The following KMO variants were observed in gnomAD, a reference collection of about 807,000 sequenced individuals.
KMO encodes kynurenine 3-monooxygenase, also known as kynurenine 3-hydroxylase.
KMO carries 24 observed loss-of-function variants against 57.8 expected under a neutral mutation model. The ratio of observed to expected loss-of-function variants is 0.42; its 90% CI spans 0.30 to 0.58. KMO has a LOEUF of 0.58. Ranked by LOEUF, KMO falls within the 20% of genes least tolerant of loss-of-function variation. KMO has a pLI of 0.22. For synonymous variants in KMO, 210 were observed against 193.6 expected (o/e 1.08, Z -0.70); for missense variants, 483 against 588.2 (o/e 0.82, Z 1.85).
At chr1:241,579,532 A>C (rs1164384060) in intron 10 of KMO, among the ~76,000 whole-genome samples, 2 of 152,086 alleles carry the variant, frequency 1.3e-5, no homozygotes, top group Non-Finnish European at 2.9e-5. Context: ...AGGGAGTAGC[A>C]GGCGGCAGTA....
At chr1:241,579,289 T>C (rs544235151) in intron 10 of KMO, among the ~76,000 whole-genome samples, 6 of 151,996 alleles carry the variant, frequency 3.9e-5, no homozygotes, top group Admixed American at 1.3e-4. Context: ...CTAGGGGAGG[T>C]ACTCTGGTTT....
In KMO at chr1:241,565,045, C is replaced by T. The variant is rs1558422254; in HGVS notation, c.674C>T (p.Ala225Val). ...IWPRNTFMMI[A>V]LPNMNKSFTC... Reference sequence around the variant, plus strand: ...CCTAGAAATACCTTTATGATGATTGCACTTCCTAACATGGTAGTATAGAAT... The same window carrying T: ...CCTAGAAATACCTTTATGATGATTGTACTTCCTAACATGGTAGTATAGAAT... Residue 225 changes from alanine (A) to valine (V), a missense_variant, in exon 8 of 15, where the codon GCA (alanine) becomes GTA (valine). Ala to Val is a moderately conservative substitution (Grantham distance 64). Transcript: ENST00000366559. The T allele has an allele frequency of 1.3e-6, 2 of 1,589,738 alleles. No individual in the cohort carries two copies.
chr1:241,560,563 C>A (rs1054894984), intron 5 of KMO, 102 bp from the exon 6 acceptor site: 2 of 786,750 alleles, frequency 2.5e-6, no homozygotes, highest in Non-Finnish European at 4.3e-6. Flanking sequence ...GAATAAAATT[C>A]TCTACCATAC....
At chr1:241,536,783 TGAG>T (rs1271985858) in intron 1 of KMO, among the ~76,000 whole-genome samples, 1 of 152,074 alleles carries the variant, frequency 6.6e-6, no homozygotes, top group African/African-American at 2.4e-5. Context: ...ATTTAGAGGG[TGAG>T]GAGATTTGTA....
intron 12 of KMO, 57 bp from the exon 13 acceptor site, chr1:241,589,955 C>T (rs1663179956): frequency 1.6e-6 from 2 of 1,253,284 alleles, no homozygotes; most frequent in Admixed American, 3.4e-5. Flanking sequence ...TACTAAGTCG[C>T]AGTGAGAAAT....
At chr1:241,571,773 G>T (rs1171212916) in intron 10 of KMO, among the ~76,000 whole-genome samples, 1 of 151,024 alleles carries the variant, frequency 6.6e-6, no homozygotes, top group East Asian at 1.9e-4. Flanking sequence ...GTCTAGTTTT[G>T]GTATTATGGT....
At chr1:241,558,743 C>G (rs950520329) in intron 5 of KMO, among the ~76,000 whole-genome samples, 2 of 148,416 alleles carry the variant, frequency 1.3e-5, no homozygotes, top group Non-Finnish European at 3.0e-5. Context: ...ATACCAGGCA[C>G]GTGTATACTT....
rs1019600924 is a variant in KMO at position 241,561,315 on chromosome 1, T to C, written c.449+563T>C. On this transcript the variant is annotated intron_variant, in intron 6 of 14. Coordinates refer to ENST00000366559, the MANE Select transcript of KMO (RefSeq NM_003679.5). ...GAACATCTTGCCATTATCTCAAACA[T>C]ATCTAAAACCTTGATCACCTACTTC... Among the ~76,000 whole-genome samples, 3 of 152,192 alleles carry C rather than the reference T, an allele frequency of 2.0e-5. No individual in the cohort carries two copies. In the South Asian group the frequency reaches 6.2e-4, roughly 32 times the overall value.
At chr1:241,549,439 TAAA>T (rs1661312122) in intron 2 of KMO, among the ~76,000 whole-genome samples, 2 of 152,034 alleles carry the variant, frequency 1.3e-5, no homozygotes, top group South Asian at 4.1e-4. Context: ...TTTCTGAACT[TAAA>T]AAGTTTCTTT....
At chr1:241,545,889 C>A (rs1648868294) in intron 1 of KMO, among the ~76,000 whole-genome samples, 2 of 152,036 alleles carry the variant, frequency 1.3e-5, no homozygotes, top group South Asian at 4.2e-4. Context: ...ACGCTAAACC[C>A]CTCAGCAAGG....
chr1:241,535,838 G>C (rs1389674431), intron 1 of KMO, among the ~76,000 whole-genome samples: 1 of 152,304 alleles, frequency 6.6e-6, no homozygotes, highest in South Asian at 2.1e-4. Flanking sequence ...ATCAACCTGT[G>C]AAGGCTTCTC....
At chr1:241,553,066 G>C (rs1438210054) in intron 4 of KMO, among the ~76,000 whole-genome samples, 2 of 152,186 alleles carry the variant, frequency 1.3e-5, no homozygotes, top group African/African-American at 4.8e-5. Flanking sequence ...GAGGTAGTCA[G>C]TACTACAACT....
intron 1 of KMO, among the ~76,000 whole-genome samples, chr1:241,536,204 T>G (rs967299758): frequency 3.9e-5 from 6 of 152,186 alleles, no homozygotes; most frequent in African/African-American, 1.4e-4. Flanking sequence ...CAATTTTGCA[T>G]GCTGGAAGGA....
chr1:241,543,349 A>G (rs576444372), intron 1 of KMO, among the ~76,000 whole-genome samples: 17 of 152,314 alleles, frequency 1.1e-4, no homozygotes, highest in African/African-American at 4.1e-4. Context: ...TTCAAAAACT[A>G]TGTATTTGCA....
intron 11 of KMO, among the ~76,000 whole-genome samples, chr1:241,588,397 A>G (rs932485423): frequency 3.1e-5 from 4 of 129,376 alleles, no homozygotes; most frequent in Admixed American, 9.6e-5. Flanking sequence ...GGAGCCAGAG[A>G]TATTTTGTTT....
chr1:241,573,557 T>C (rs1330170548), intron 10 of KMO, among the ~76,000 whole-genome samples: 1 of 152,178 alleles, frequency 6.6e-6, no homozygotes, highest in Non-Finnish European at 1.5e-5. Context: ...TATGTTTTTG[T>C]ATGCTTTATT....
intron 14 of KMO, 186 bp downstream of exon 14, chr1:241,590,449 G>A (rs1663216595): frequency 1.9e-6 from 1 of 533,362 alleles, no homozygotes. Context: ...ACAAGGAGGT[G>A]GCAAAGAGAG....
rs148638907 is a variant in KMO at position 241,572,160 on chromosome 1, C to T, written c.957+3513C>T. Reference sequence around the variant, plus strand: ...GATTACAGGCATGAGCCACCACGCCCGGGCAATATTAGTTCCTTTTTAAAT... The same window carrying T: ...GATTACAGGCATGAGCCACCACGCCTGGGCAATATTAGTTCCTTTTTAAAT... On this transcript the variant is annotated intron_variant, in intron 10 of 14. Coordinates refer to ENST00000366559, the MANE Select transcript of KMO (RefSeq NM_003679.5). 3.9e-5 allele frequency among the ~76,000 whole-genome samples: 6 copies of T among 152,060 alleles called. No homozygotes were observed. In the East Asian group the frequency reaches 5.8e-4, roughly 15 times the overall value.
chr1:241,536,627 A>G (rs764889150), intron 1 of KMO: 13 of 279,866 alleles, frequency 4.6e-5, no homozygotes, highest in Non-Finnish European at 6.5e-5. Flanking sequence ...TATGTCCACT[A>G]TTCTAGCATG....
Sources: allele counts gnomAD v4.1 joint callset (sites outside exome capture counted in the v4.1 genomes callset), GRCh38; gene constraint gnomAD v4.1.1; transcripts MANE v1.5; gene names NCBI Gene and HGNC (gene_info 2026-07-23, HGNC 2026-07-21).